Variants in PRLR observed in about 807,000 individuals in gnomAD.
The protein encoded by PRLR is prolactin receptor, also known as hPRL receptor.
Under a neutral mutation model 40.2 loss-of-function variants are expected in PRLR, and 13 were observed. That is an observed-to-expected ratio of 0.32 (90% CI 0.21 to 0.51). PRLR has a LOEUF of 0.51. Among genes scored for constraint, PRLR ranks in the 20% least tolerant of loss-of-function variants. PRLR has a pLI of 0.97. For synonymous variants in PRLR, 269 were observed against 278.7 expected, an observed-to-expected ratio of 0.97 and a Z score of 0.35; for missense variants, 656 against 747.3, an observed-to-expected ratio of 0.88 and a Z score of 1.42.
intron 1 of PRLR, among the ~76,000 whole-genome samples, chr5:35,198,586 C>T (rs747500730): frequency 6.6e-5 from 10 of 152,282 alleles, no homozygotes; most frequent in Non-Finnish European, 1.5e-4. Flanking sequence ...TTTAGCAAAC[C>T]GGACATTTAA....
chr5:35,175,167 G>A (rs34171414), intron 1 of PRLR, among the ~76,000 whole-genome samples: 208 of 152,044 alleles, frequency 1.4e-3, no homozygotes, highest in South Asian at 4.8e-3. Context: ...CCCATAATGC[G>A]CACGTGTTGT....
At chr5:35,207,098 A>G (rs1776042420) in intron 1 of PRLR, among the ~76,000 whole-genome samples, 1 of 152,140 alleles carries the variant, frequency 6.6e-6, no homozygotes, top group African/African-American at 2.4e-5. Flanking sequence ...AATGTTATGT[A>G]AGAGGTGTTC....
At chr5:35,185,066 A>T (rs1013025429) in intron 1 of PRLR, among the ~76,000 whole-genome samples, 1 of 152,264 alleles carries the variant, frequency 6.6e-6, no homozygotes, top group East Asian at 1.9e-4. Context: ...GACATTGTGA[A>T]GCATCCTTTA....
intron 1 of PRLR, among the ~76,000 whole-genome samples, chr5:35,223,014 A>G (rs1361715010): frequency 1.3e-5 from 2 of 152,364 alleles, no homozygotes; most frequent in Non-Finnish European, 2.9e-5. Flanking sequence ...AGGATCCACT[A>G]TAGGACACCC....
rs539647662 is a variant in PRLR, at chr5:35,075,927, G to C, written c.374-3183C>G. ...CTGCTGGTGATACCCAGGCAAACAG[G>C]GTCTGGAGTGGACCTCCAACAAACT... is the stretch of plus-strand genomic sequence containing the variant. On this transcript the variant is annotated intron_variant, in intron 5 of 9. Coordinates refer to ENST00000618457, the MANE Select transcript of PRLR (RefSeq NM_000949.7). 2.0e-5 allele frequency among the ~76,000 whole-genome samples: 3 copies of C among 152,248 alleles called. No homozygotes were observed. The South Asian group carries it at 6.2e-4, about 32-fold the overall frequency.
chr5:35,183,382 C>T (rs759893650), intron 1 of PRLR, among the ~76,000 whole-genome samples: 3 of 152,298 alleles, frequency 2.0e-5, no homozygotes, highest in South Asian at 4.1e-4. Context: ...GTTTCCTTGT[C>T]GCCCCCCAAT....
chr5:35,199,987 T>C (rs1775836461), intron 1 of PRLR, among the ~76,000 whole-genome samples: 5 of 152,152 alleles, frequency 3.3e-5, no homozygotes, highest in Admixed American at 3.3e-4. Flanking sequence ...TTTTAGAAAA[T>C]ACAAGATTTC....
chr5:35,222,995 C>T (rs946886712), intron 1 of PRLR, among the ~76,000 whole-genome samples: 9 of 152,196 alleles, frequency 5.9e-5, no homozygotes, highest in Non-Finnish European at 5.9e-5. Flanking sequence ...CATTGTGCCC[C>T]ACTTAGCTAG....
Position 35,057,654 on chromosome 5 carries a change from C to T in PRLR, c.*7435G>A, listed in dbSNP as rs1768797443. Reference sequence around the variant, plus strand: ...ATAGGAGGAGATAAATGAATAAAACCATGGAAAACAGAGAGCACAATGTGC... The same window carrying T: ...ATAGGAGGAGATAAATGAATAAAACTATGGAAAACAGAGAGCACAATGTGC... On this transcript the variant is annotated 3_prime_UTR_variant, in exon 10 of 10. Transcript: ENST00000618457. 6.6e-6 allele frequency: 1 copy of T among 151,940 alleles called. No homozygotes were observed. Among genetic ancestry groups the T allele is most frequent in the Non-Finnish European group, 1.5e-5 (1 of 67,960 alleles). The allele number at this position is 151,940 out of a possible 1,614,324, so 9.4% of individuals were successfully genotyped here.
chr5:35,132,451 C>A (rs1459486324), intron 1 of PRLR, among the ~76,000 whole-genome samples: 1 of 152,104 alleles, frequency 6.6e-6, no homozygotes, highest in East Asian at 1.9e-4. Flanking sequence ...TTACTCCTAC[C>A]TATTTCAGTA....
chr5:35,069,960 T>C (rs969761691), intron 7 of PRLR, among the ~76,000 whole-genome samples, 164 bp downstream of exon 7: 3 of 152,258 alleles, frequency 2.0e-5, no homozygotes, highest in African/African-American at 7.2e-5. Context: ...CAGGGTGCAA[T>C]GCTGCTTTTC....
rs867929643 is a variant in PRLR at position 35,086,326 on chromosome 5, C to G, written c.85G>C (p.Gly29Arg). ...TCLLNGQLPP[G>R]KPEIFKCRSP... is the part of the protein sequence containing the mutation. ...CGACATTTAAAGATCTCAGGTTTTC[C>G]AGGAGGTAACTGTCCTAGAAAAAGC... The change falls in exon 4 of 10, where the codon GGA becomes CGA. Residue 29 changes from glycine to arginine, a missense_variant. Coordinates refer to ENST00000618457, the MANE Select transcript of PRLR (RefSeq NM_000949.7). 6.2e-7 allele frequency: 1 copy of G among 1,613,388 alleles called. No homozygotes were observed. The highest frequency in any genetic ancestry group is 1.1e-5 in the South Asian group (1 of 91,044).
In PRLR at chr5:35,068,856, G is replaced by A. The variant is rs187422736; in HGVS notation, c.708C>T (p.Thr236=). The change falls in exon 8 of 10, where the codon ACC becomes ACT. Residue 236 remains threonine (T), a synonymous_variant. Coordinates refer to ENST00000618457, the MANE Select transcript of PRLR (RefSeq NM_000949.7). ...AAAGGACAGCCACAGAGATCCACAC[G>A]GTTGTATCATTCATGGTGAAGTCTA... ...IPSDFTMNDT[T]VWISVAVLSA... 2.6e-5 allele frequency: 42 copies of A among 1,612,286 alleles called. No homozygotes were observed. Among genetic ancestry groups the A allele is most frequent in the South Asian group, 2.0e-4 (18 of 90,996 alleles).
At chr5:35,126,064 C>T in intron 1 of PRLR, among the ~76,000 whole-genome samples, 1 of 152,202 alleles carries the variant, frequency 6.6e-6, no homozygotes, top group East Asian at 1.9e-4. Flanking sequence ...GGTAGCTGCA[C>T]TTGGCAGAAT....
At chr5:35,115,407 T>C (rs955394919) in intron 2 of PRLR, among the ~76,000 whole-genome samples, 2 of 152,200 alleles carry the variant, frequency 1.3e-5, no homozygotes, top group Non-Finnish European at 2.9e-5. Context: ...AATGCCACAA[T>C]TTAGTCAAAG....
intron 1 of PRLR, among the ~76,000 whole-genome samples, chr5:35,180,648 C>G (rs955472323): frequency 6.6e-6 from 1 of 151,852 alleles, no homozygotes; most frequent in Admixed American, 6.6e-5. Flanking sequence ...AGGTTTGTTA[C>G]ACGTGTATAC....
At chr5:35,138,846 C>G (rs1232271195) in intron 1 of PRLR, among the ~76,000 whole-genome samples, 1 of 151,992 alleles carries the variant, frequency 6.6e-6, no homozygotes, top group Non-Finnish European at 1.5e-5. Context: ...ACTTTATTTA[C>G]TACCAAGAAA....
In PRLR at chr5:35,111,003, A is replaced by T. The variant is rs541375903; in HGVS notation, c.-44+7058T>A. Among the ~76,000 whole-genome samples the T allele has an allele frequency of 2.0e-5, 3 of 152,158 alleles. No homozygotes were observed. In the South Asian group the frequency reaches 6.2e-4, roughly 32 times the overall value. On this transcript the variant is annotated intron_variant, in intron 2 of 9. Coordinates refer to ENST00000618457, the MANE Select transcript of PRLR (RefSeq NM_000949.7). ...CTATCTTTCTCTGTACCCCCACCCCATCCCAGGCTAGTAGCTCATTGCTGT... is the reference window on the plus strand; with the variant it reads ...CTATCTTTCTCTGTACCCCCACCCCTTCCCAGGCTAGTAGCTCATTGCTGT...
chr5:35,073,012 T>G (rs1769851372), intron 5 of PRLR, among the ~76,000 whole-genome samples: 1 of 152,168 alleles, frequency 6.6e-6, no homozygotes, highest in Non-Finnish European at 1.5e-5. Flanking sequence ...AGTTAGAATC[T>G]CATAGCTATC....
Sources: allele counts gnomAD v4.1 joint callset (sites outside exome capture counted in the v4.1 genomes callset), GRCh38; gene constraint gnomAD v4.1.1; transcripts MANE v1.5; gene names NCBI Gene and HGNC (gene_info 2026-07-23, HGNC 2026-07-21).